The following PFAS variants were observed in gnomAD, a reference collection of about 807,000 sequenced individuals.
The protein encoded by PFAS is phosphoribosylformylglycinamidine synthase.
Under a neutral mutation model 140.6 loss-of-function variants are expected in PFAS, and 97 were observed. The observed-to-expected ratio is 0.69, with a 90% CI of 0.59 to 0.82. PFAS has a LOEUF of 0.82. PFAS is among the 40% of genes least tolerant of loss of function. The pLI is 0.00. For missense variants in PFAS, 1,656 were observed against 1,780.2 expected (o/e 0.93, Z 1.26); for synonymous variants, 679 against 718.8 (o/e 0.94, Z 0.88).
At chr17:8,249,898 C>G (rs1414871086) in intron 1 of PFAS, among the ~76,000 whole-genome samples, 2 of 151,644 alleles carry the variant, frequency 1.3e-5, no homozygotes, top group Non-Finnish European at 2.9e-5. Context: ...CATCCCATGC[C>G]CACGTAGAGA....
rs1989768415 is a variant in PFAS at position 8,265,337 on chromosome 17, A to G, written c.2330A>G (p.Glu777Gly). The G allele has an allele frequency of 6.2e-7, 1 of 1,613,912 alleles. No homozygotes were observed. Among genetic ancestry groups the G allele is most frequent in the African/African-American group, 1.3e-5 (1 of 74,890 alleles). The stretch of plus-strand genomic sequence containing the variant: ...ATGTGGGCAGCCAAGCTCCCAGGGG[A>G]GGGCGCAGCTTTGGCGGATGCCTGT... ...NWMWAAKLPG[E>G]GAALADACEA... is the part of the protein sequence containing the mutation. Residue 777 changes from glutamate to glycine, a missense_variant, in exon 19 of 28, where the codon GAG becomes GGG. Physicochemically the swap from Glu to Gly is moderately conservative, Grantham distance 98 (BLOSUM62 -2). Transcript: ENST00000314666.
At position 8,266,851 on chromosome 17, in the gene PFAS, C is replaced by T. The variant is rs1183737660; in HGVS notation, c.2920C>T (p.His974Tyr). 1.3e-5 allele frequency: 21 copies of T among 1,609,634 alleles called. No individual in the cohort carries two copies. Among genetic ancestry groups the T allele is most frequent in the African/African-American group, 2.7e-5 (2 of 74,940 alleles). The change falls in exon 23 of 28, where the codon CAT (histidine) becomes TAT (tyrosine). Residue 974 changes from histidine (H) to tyrosine (Y), a missense_variant. By Grantham distance (83) the His-to-Tyr change is moderately conservative. This residue lies in a region of PFAS where 883 missense variants were observed against 1,023.0 expected (regional missense o/e 0.86). Coordinates refer to ENST00000314666, the MANE Select transcript of PFAS (RefSeq NM_012393.3). This position sits in a 1 kb window ranked among gnomAD's most constrained non-coding sequence, Gnocchi z 5.0. The part of the protein sequence containing the change: ...VLKRYRDAGL[H>Y]CLELGHTGEA... ...GAAGCGTTACCGGGATGCTGGCCTC[C>T]ATTGCCTGGAGCTGGGCCACACAGG...
intron 6 of PFAS, 110 bp downstream of exon 6, chr17:8,256,020 G>C: frequency 2.2e-6 from 2 of 896,636 alleles, no homozygotes; most frequent in Non-Finnish European, 3.5e-6. Flanking sequence ...CTGAGTCTCT[G>C]AGGGCCTGGG....
intron 9 of PFAS, 60 bp from the exon 10 acceptor site, chr17:8,257,747 T>C: frequency 6.3e-7 from 1 of 1,582,778 alleles, no homozygotes; most frequent in Non-Finnish European, 8.7e-7. Context: ...GGATGCAGGC[T>C]GCTCCGGCCT....
In PFAS at chr17:8,266,108, A is replaced by G. The variant is rs532716606; in HGVS notation, c.2701+91A>G. On this transcript the variant is annotated intron_variant, in intron 21 of 27. Transcript: ENST00000314666. The surrounding 1 kb of genome is among the most constrained non-coding windows in gnomAD (Gnocchi z 5.0). ...GAGCAGTGGGGCAAAAGGGACTCCA[A>G]TGGACGATGTACCCCAGATCCCCTG... 1,159 of 1,531,940 alleles carry G rather than the reference A, an allele frequency of 7.6e-4. 12 individuals are homozygous for G. The highest frequency in any genetic ancestry group is 7.6e-4 in the Middle Eastern group (4 of 5,266). The allele number at this position is 1,531,940 out of a possible 1,614,324, so 94.9% of individuals were successfully genotyped here. A position where few individuals can be genotyped will look rare whatever the true frequency, so the allele number is the denominator to read the frequency against.
In PFAS at chr17:8,267,892, A is replaced by AAT. The variant is rs1421416969; in HGVS notation, c.3382+234_3382+235dup. Among the ~76,000 whole-genome samples the AAT allele has an allele frequency of 2.4e-4, 35 of 144,922 alleles. 1 individual carries two copies. In the East Asian group the frequency reaches 3.7e-3, roughly 15 times the overall value. On this transcript the variant is annotated intron_variant, in intron 26 of 27. Transcript: ENST00000314666. The surrounding 1 kb of genome is among the most constrained non-coding windows in gnomAD (Gnocchi z 4.9). ...TATGTAATTAAAATATATATTATTAAATATATATTATTTATATATATTATT... is the reference window on the plus strand; with the variant it reads ...TATGTAATTAAAATATATATTATTAAATATATATATTATTTATATATATTATT...
chr17:8,266,121 C>T lies in PFAS; in HGVS notation c.2701+104C>T. 4 of 1,541,700 alleles carry T rather than the reference C, an allele frequency of 2.6e-6. No individual in the cohort carries two copies. Among genetic ancestry groups the T allele is most frequent in the Admixed American group, 3.6e-5 (2 of 55,666 alleles). ...AAAGGGACTCCAATGGACGATGTAC[C>T]CCAGATCCCCTGACATTCTGACACA... On this transcript the variant is annotated intron_variant, in intron 21 of 27. Transcript: ENST00000314666. This position sits in a 1 kb window ranked among gnomAD's most constrained non-coding sequence, Gnocchi z 5.0.
At chr17:8,256,751 G>A in intron 8 of PFAS, 84 bp from the exon 9 acceptor site, 4 of 1,555,480 alleles carry the variant, frequency 2.6e-6, no homozygotes, top group Non-Finnish European at 3.5e-6. Flanking sequence ...AGGGAAATTG[G>A]TTGTCCTTAT....
intron 20 of PFAS, 68 bp from the exon 21 acceptor site, chr17:8,265,794 C>G: frequency 7.2e-7 from 1 of 1,383,516 alleles, no homozygotes; most frequent in Non-Finnish European, 1.0e-6. Context: ...AATAGCAGTG[C>G]TGTGAGCCCC....
chr17:8,260,881 C>T (rs1237783906), intron 11 of PFAS, among the ~76,000 whole-genome samples: 1 of 152,222 alleles, frequency 6.6e-6, no homozygotes, highest in Non-Finnish European at 1.5e-5. Flanking sequence ...GCCTCAGCCT[C>T]CCAAAGTGCT....
chr17:8,263,480 C>A, intron 13 of PFAS, 95 bp from the exon 14 acceptor site: 1 of 1,159,732 alleles, frequency 8.6e-7, no homozygotes, highest in Non-Finnish European at 1.3e-6. Context: ...GACACAGGAA[C>A]ACACCAAATT....
In PFAS at chr17:8,266,149, C is replaced by T; in HGVS notation, c.2702-85C>T. ...AGATCCCCTGACATTCTGACACACA[C>T]TCTTGATGGACTGACTCCGGAAGGT... On this transcript the variant is annotated intron_variant, in intron 21 of 27. Transcript: ENST00000314666. This position sits in a 1 kb window ranked among gnomAD's most constrained non-coding sequence, Gnocchi z 5.0. The T allele has an allele frequency of 1.3e-6, 2 of 1,579,056 alleles. No homozygotes were observed. Among genetic ancestry groups the T allele is most frequent in the Middle Eastern group, 1.8e-4 (1 of 5,610 alleles).
rs756084066 is a variant in PFAS, at chr17:8,263,757, C to T, written c.1630-18C>T. ...TGCCCACTGGCCCTTCTCTTTCCTC[C>T]CCGCCGTGGCTGTGCAGCTTGGGGA... On this transcript the variant is annotated intron_variant, in intron 14 of 27. Transcript: ENST00000314666. 1.9e-6 allele frequency: 3 copies of T among 1,611,042 alleles called. No individual in the cohort carries two copies. The highest frequency in any genetic ancestry group is 2.5e-6 in the Non-Finnish European group (3 of 1,177,640).
Position 8,269,432 on chromosome 17 carries a change from C to T in PFAS, c.*168C>T. On this transcript the variant is annotated 3_prime_UTR_variant, in exon 28 of 28. Coordinates refer to ENST00000314666, the MANE Select transcript of PFAS (RefSeq NM_012393.3). ...ACTCGATAATCTGCCTGCTGATGTT[C>T]CTTCTGTGGCTGTGTCTATTTTCAG... The T allele has an allele frequency of 1.7e-6, 1 of 589,572 alleles. No homozygotes were observed. Among genetic ancestry groups the T allele is most frequent in the South Asian group, 2.2e-5 (1 of 45,906 alleles). The allele number at this position is 589,572 out of a possible 1,614,324, so 36.5% of individuals were successfully genotyped here.
chr17:8,248,371 G>C (rs1988960868), upstream of PFAS, among the ~76,000 whole-genome samples: 1 of 142,716 alleles, frequency 7.0e-6, no homozygotes, highest in African/African-American at 2.7e-5. Context: ...CTCCTGAGTA[G>C]CTAGGATTAC....
rs373599475 is a variant in PFAS, at chr17:8,267,246, G to A, written c.3175+11G>A. On this transcript the variant is annotated intron_variant, in intron 24 of 27. Transcript: ENST00000314666. The surrounding 1 kb of genome is among the most constrained non-coding windows in gnomAD (Gnocchi z 4.9). ...TGCCCCGTGAGCCTGGTGAGGGAGT[G>A]TGTGCAGAGGCTCCGCGTCCTGGGG... The A allele has an allele frequency of 6.2e-7, 1 of 1,604,512 alleles. No homozygotes were observed. Among genetic ancestry groups the A allele is most frequent in the Non-Finnish European group, 8.5e-7 (1 of 1,172,914 alleles).
chr17:8,248,046 G>C (rs201782976), upstream of PFAS: 1 of 1,553,620 alleles, frequency 6.4e-7, no homozygotes, highest in Non-Finnish European at 8.7e-7. Flanking sequence ...TGATGCGCCG[G>C]AGCTCCGCCC....
At chr17:8,259,118 C>A (rs1989489936) in intron 11 of PFAS, among the ~76,000 whole-genome samples, 1 of 137,908 alleles carries the variant, frequency 7.3e-6, no homozygotes, top group Non-Finnish European at 1.6e-5. Flanking sequence ...TGCGATCGCA[C>A]CACTGTCAAA....
rs913275750 is a variant in PFAS, at chr17:8,256,717, G to A, written c.946+69G>A. On this transcript the variant is annotated intron_variant, in intron 8 of 27. Transcript: ENST00000314666. ...GGTAGGGCAAAGGTCCCAGGCCCCTGGAGTGGGCCTGGGGAAAATAATCAG... is the reference window on the plus strand; with the variant it reads ...GGTAGGGCAAAGGTCCCAGGCCCCTAGAGTGGGCCTGGGGAAAATAATCAG... 5.7e-6 allele frequency: 9 copies of A among 1,570,754 alleles called. No individual in the cohort carries two copies. The African/African-American group carries it at 9.6e-5, about 17-fold the overall frequency.
Sources: gnomAD v4.1 joint callset for allele counts (sites outside exome capture counted in the v4.1 genomes callset) on GRCh38, gnomAD v4.1.1 for gene constraint, gnomAD v4.1.1 regional missense constraint, Gnocchi (gnomAD v3.1) non-coding constraint, MANE v1.5 for transcripts, NCBI Gene and HGNC (gene_info 2026-07-23, HGNC 2026-07-21) for gene names.